The following TRPM6 variants were observed in gnomAD, a reference collection of about 807,000 sequenced individuals.
TRPM6 encodes transient receptor potential cation channel subfamily M member 6, also known as channel kinase 2.
TRPM6 carries 111 observed loss-of-function variants against 247.6 expected under a neutral mutation model. The ratio of observed to expected loss-of-function variants is 0.45; its 90% confidence interval spans 0.38 to 0.52. TRPM6 has a LOEUF of 0.52. TRPM6 is among the 20% of genes least tolerant of loss of function. The pLI is 0.00. For synonymous variants in TRPM6, 892 were observed against 853.8 expected (o/e 1.04, Z -0.78); for missense variants, 2,126 against 2,421.5 (o/e 0.88, Z 2.56).
At chr9:74,869,915 CT>C (rs1412317274) in intron 1 of TRPM6, among the ~76,000 whole-genome samples, 1 of 152,126 alleles carries the variant, frequency 6.6e-6, no homozygotes, top group Non-Finnish European at 1.5e-5. Context: ...AATTTTCCTT[CT>C]TGGTAAATTT....
At chr9:74,757,690 G>A (rs1218671719) in intron 27 of TRPM6, among the ~76,000 whole-genome samples, 3 of 152,038 alleles carry the variant, frequency 2.0e-5, no homozygotes, top group Non-Finnish European at 4.4e-5. Context: ...AGGCGGGTGG[G>A]TCACCTGAGG....
intron 20 of TRPM6, among the ~76,000 whole-genome samples, 163 bp from the exon 21 acceptor site, chr9:74,786,288 G>A (rs1184580058): frequency 6.6e-6 from 1 of 152,138 alleles, no homozygotes; most frequent in Non-Finnish European, 1.5e-5. Flanking sequence ...CATCAGTAAT[G>A]AATTATTTAA....
chr9:74,806,722 A>G (rs1828539166), intron 14 of TRPM6, among the ~76,000 whole-genome samples: 1 of 152,224 alleles, frequency 6.6e-6, no homozygotes, highest in Non-Finnish European at 1.5e-5. Context: ...TGCACAGAGA[A>G]GTTAAGCTTA....
intron 19 of TRPM6, among the ~76,000 whole-genome samples, chr9:74,790,259 A>G (rs1343139664): frequency 6.6e-6 from 1 of 152,168 alleles, no homozygotes; most frequent in Non-Finnish European, 1.5e-5. Flanking sequence ...GAAGTGTAGA[A>G]GAGAAGCATA....
chr9:74,832,648 C>A (rs1326955735), intron 6 of TRPM6, among the ~76,000 whole-genome samples: 1 of 152,154 alleles, frequency 6.6e-6, no homozygotes, highest in African/African-American at 2.4e-5. Flanking sequence ...AGAGGCGAAA[C>A]AAAATTGGCT....
At chr9:74,733,966 T>G (rs920434502) in intron 36 of TRPM6, among the ~76,000 whole-genome samples, 1 of 152,216 alleles carries the variant, frequency 6.6e-6, no homozygotes, top group Non-Finnish European at 1.5e-5. Context: ...TTCTTTGAGA[T>G]GTATGCTTAT....
chr9:74,842,916 T>C (rs1410316649), intron 3 of TRPM6, among the ~76,000 whole-genome samples: 1 of 152,182 alleles, frequency 6.6e-6, no homozygotes, highest in East Asian at 1.9e-4. Flanking sequence ...TGTCTTAAAA[T>C]AAGACAATGA....
intron 7 of TRPM6, among the ~76,000 whole-genome samples, chr9:74,823,435 T>A (rs1393277877): frequency 6.6e-6 from 1 of 152,226 alleles, no homozygotes; most frequent in Non-Finnish European, 1.5e-5. Context: ...TCTAGACGTA[T>A]AGTATGTGGT....
rs555065917 is a variant in TRPM6, at chr9:74,752,999, G to A, written c.4907-631C>T. 4.6e-5 allele frequency among the ~76,000 whole-genome samples: 7 copies of A among 151,534 alleles called. No individual in the cohort carries two copies. The East Asian group carries it at 7.8e-4, about 17-fold the overall frequency. On this transcript the variant is annotated intron_variant, in intron 28 of 38. Transcript: ENST00000360774. ...GTGGTGGTGCATACCTGTAATTCCAGCTACTCAGGAGGCTGAGGCAAGAGA... is the reference window on the plus strand; with the variant it reads ...GTGGTGGTGCATACCTGTAATTCCAACTACTCAGGAGGCTGAGGCAAGAGA...
chr9:74,740,298 G>T (rs1475032444), intron 33 of TRPM6, among the ~76,000 whole-genome samples: 1 of 152,138 alleles, frequency 6.6e-6, no homozygotes, highest in East Asian at 1.9e-4. Context: ...AAGTGGTAAG[G>T]ATATGCTTCT....
At chr9:74,794,856 T>A (rs1828032441) in intron 18 of TRPM6, among the ~76,000 whole-genome samples, 1 of 150,628 alleles carries the variant, frequency 6.6e-6, no homozygotes. Flanking sequence ...TATATACAGC[T>A]CCCCTCACCC....
chr9:74,870,274 T>C (rs544786285), intron 1 of TRPM6, among the ~76,000 whole-genome samples: 1 of 152,320 alleles, frequency 6.6e-6, no homozygotes, highest in South Asian at 2.1e-4. Context: ...ATAATATTCC[T>C]GAAACACAGC....
intron 2 of TRPM6, 147 bp downstream of exon 2, chr9:74,858,522 T>C (rs1162376352): frequency 1.7e-6 from 1 of 582,370 alleles, no homozygotes; most frequent in Non-Finnish European, 3.0e-6. Context: ...TCATGTATTA[T>C]TTTTATAAAG....
At chr9:74,883,043 A>G (rs1354931602) in intron 1 of TRPM6, among the ~76,000 whole-genome samples, 2 of 152,146 alleles carry the variant, frequency 1.3e-5, no homozygotes, top group African/African-American at 4.8e-5. Flanking sequence ...AGCCCTGCCA[A>G]CCATAATTCC....
chr9:74,808,523 G>T (rs892052392), intron 13 of TRPM6, among the ~76,000 whole-genome samples: 2 of 152,032 alleles, frequency 1.3e-5, no homozygotes, highest in East Asian at 3.9e-4. Flanking sequence ...TCCATATTGA[G>T]TTCCTAATTG....
intron 36 of TRPM6, among the ~76,000 whole-genome samples, chr9:74,733,555 C>T (rs1274695473): frequency 1.3e-5 from 2 of 152,194 alleles, no homozygotes; most frequent in African/African-American, 2.4e-5. Context: ...CTCGTAGCCT[C>T]GTTTTACATT....
intron 7 of TRPM6, among the ~76,000 whole-genome samples, chr9:74,824,209 G>A (rs1178995845): frequency 6.6e-6 from 1 of 150,988 alleles, no homozygotes; most frequent in Non-Finnish European, 1.5e-5. Context: ...GGAGTGCAGT[G>A]GCACCATCTT....
At chr9:74,853,731 AG>A (rs1830439370) in intron 3 of TRPM6, among the ~76,000 whole-genome samples, 1 of 152,164 alleles carries the variant, frequency 6.6e-6, no homozygotes, top group Admixed American at 6.5e-5. Context: ...GGAAGGCCGC[AG>A]GGTCCTCTGC....
chr9:74,788,065 G>C lies in TRPM6; in HGVS notation c.2667+549C>G, dbSNP rs531609490. Among the ~76,000 whole-genome samples, 3 of 151,962 alleles carry C rather than the reference G, an allele frequency of 2.0e-5. No individual in the cohort carries two copies. In the East Asian group the frequency reaches 5.8e-4, roughly 29 times the overall value. On this transcript the variant is annotated intron_variant, in intron 20 of 38. Coordinates refer to ENST00000360774, the MANE Select transcript of TRPM6 (RefSeq NM_017662.5). ...CATTACGAACTAGAAATTTTTAAAA[G>C]TTTTGGTTTTTTGTTTCTTGGACTA...
Sources: allele counts gnomAD v4.1 joint callset (sites outside exome capture counted in the v4.1 genomes callset), GRCh38; gene constraint gnomAD v4.1.1; transcripts MANE v1.5; gene names NCBI Gene and HGNC (gene_info 2026-07-23, HGNC 2026-07-21).